SH2B3: variants seen among roughly 807,000 people sequenced by gnomAD.
SH2B3 encodes SH2B adapter protein 3.
A neutral mutation model predicts 51.9 loss-of-function variants in SH2B3; 43 were observed. That is an observed-to-expected ratio of 0.83 (90% CI 0.65 to 1.07). SH2B3 has a LOEUF of 1.07. Among genes scored for constraint, SH2B3 ranks in the 50% least tolerant of loss-of-function variants. SH2B3 has a pLI of 0.00. For missense variants in SH2B3, 952 were observed against 834.3 expected, an observed-to-expected ratio of 1.14 and a Z score of -1.74; for synonymous variants, 396 against 376.0, an observed-to-expected ratio of 1.05 and a Z score of -0.62.
At chr12:111,411,428 A>C (rs1478899524) in intron 1 of SH2B3, among the ~76,000 whole-genome samples, 1 of 152,092 alleles carries the variant, frequency 6.6e-6, no homozygotes, top group Non-Finnish European at 1.5e-5. Flanking sequence ...CTTTCTCTGC[A>C]TGTGGGCCTG....
At chr12:111,419,993 A>C (rs932369209) in intron 2 of SH2B3, among the ~76,000 whole-genome samples, 1 of 152,134 alleles carries the variant, frequency 6.6e-6, no homozygotes, top group East Asian at 1.9e-4. Flanking sequence ...ATGTCCAGGG[A>C]CACCTTTTTG....
intron 2 of SH2B3, chr12:111,434,940 C>G (rs1463791196): frequency 6.5e-7 from 1 of 1,535,424 alleles, no homozygotes; most frequent in Non-Finnish European, 8.7e-7. Flanking sequence ...GGAGGAGGAC[C>G]TGGCCTGGCT....
chr12:111,412,728 C>G (rs1870797088), intron 1 of SH2B3, among the ~76,000 whole-genome samples: 1 of 152,132 alleles, frequency 6.6e-6, no homozygotes, highest in South Asian at 2.1e-4. Flanking sequence ...GCCACCATGC[C>G]AGGCTAATTT....
rs976000287 is a variant in SH2B3 at position 111,409,615 on chromosome 12, C to T, written c.-28+3338C>T. ...GGCTGCCCAGGGGAAGTGACTCAGC[C>T]GGGGTCACTTGCTGAGTCAGGCCTT... is the stretch of plus-strand genomic sequence containing the variant. On this transcript the variant is annotated intron_variant, in intron 1 of 7. Transcript: ENST00000341259. The surrounding 1 kb of genome is among the most constrained non-coding windows in gnomAD (Gnocchi z 4.0). 6.6e-6 allele frequency among the ~76,000 whole-genome samples: 1 copy of T among 152,136 alleles called. No homozygotes were observed. Among genetic ancestry groups the T allele is most frequent in the Non-Finnish European group, 1.5e-5 (1 of 68,006 alleles).
At chr12:111,415,854 T>A (rs1010667110) in intron 1 of SH2B3, among the ~76,000 whole-genome samples, 9 of 152,152 alleles carry the variant, frequency 5.9e-5, no homozygotes, top group Non-Finnish European at 1.0e-4. Flanking sequence ...ATTCCTGACC[T>A]CAGGTGATCC....
At chr12:111,412,500 T>C (rs1287827226) in intron 1 of SH2B3, among the ~76,000 whole-genome samples, 1 of 152,238 alleles carries the variant, frequency 6.6e-6, no homozygotes, top group Non-Finnish European at 1.5e-5. Context: ...TGGAGCTCTT[T>C]TCTAACAGTG....
At position 111,429,514 on chromosome 12, in the gene SH2B3, A is replaced by C. The variant is rs1872290222; in HGVS notation, c.732+10637A>C. 6.6e-6 allele frequency among the ~76,000 whole-genome samples: 1 copy of C among 152,156 alleles called. No individual in the cohort carries two copies. The highest frequency in any genetic ancestry group is 1.5e-5 in the Non-Finnish European group (1 of 68,042). ...ACTCCGCTAATTTTTCTGTATTATT[A>C]GTAGAGACGCGGTTTCGCCATGTTG... On this transcript the variant is annotated intron_variant, in intron 2 of 7. Transcript: ENST00000341259. The surrounding 1 kb of genome is among the most constrained non-coding windows in gnomAD (Gnocchi z 4.4).
intron 2 of SH2B3, among the ~76,000 whole-genome samples, chr12:111,433,861 A>T (rs1317837924): frequency 1.3e-5 from 2 of 152,004 alleles, no homozygotes. Flanking sequence ...CAGTCCTCTC[A>T]CCTCAGCCTC....
chr12:111,436,564 C>T (rs1331308357), intron 2 of SH2B3, among the ~76,000 whole-genome samples: 3 of 152,034 alleles, frequency 2.0e-5, no homozygotes, highest in Admixed American at 2.0e-4. Flanking sequence ...GCACCCATAT[C>T]TGAGGAGGGG....
intron 2 of SH2B3, chr12:111,434,921 GC>G (rs1169358000): frequency 1.3e-6 from 2 of 1,535,546 alleles, no homozygotes; most frequent in African/African-American, 2.7e-5. Context: ...CCGGTGCTGT[GC>G]CGTGGCTGGA....
intron 2 of SH2B3, among the ~76,000 whole-genome samples, chr12:111,436,197 C>T (rs1039714057): frequency 2.0e-5 from 3 of 152,154 alleles, no homozygotes; most frequent in African/African-American, 7.2e-5. Flanking sequence ...GTGCCCTGTG[C>T]GGAGGGCACA....
At chr12:111,447,872 G>A (rs1298707519) in intron 7 of SH2B3, 45 bp downstream of exon 7, 1 of 1,590,018 alleles carries the variant, frequency 6.3e-7, no homozygotes, top group Non-Finnish European at 8.6e-7. Flanking sequence ...CTGACACTGG[G>A]TAGAGGGTAG....
chr12:111,447,370 G>A lies in SH2B3; in HGVS notation c.1062G>A (p.Lys354=), dbSNP rs1874098404. 3 of 1,614,078 alleles carry A rather than the reference G, an allele frequency of 1.9e-6. No homozygotes were observed. Among genetic ancestry groups the A allele is most frequent in the Middle Eastern group, 1.7e-4 (1 of 6,060 alleles). ...GGCTGCTGGACCCGGCCTGCCAGAAGACGGACCATTTCCTGTCCTGCTACC... is the reference window on the plus strand; with the variant it reads ...GGCTGCTGGACCCGGCCTGCCAGAAAACGGACCATTTCCTGTCCTGCTACC... The part of the protein sequence containing the change: ...PGGLLDPACQ[K]TDHFLSCYPW... Residue 354 remains lysine, a synonymous_variant, in exon 6 of 8, where the codon AAG becomes AAA. Coordinates refer to ENST00000341259, the MANE Select transcript of SH2B3 (RefSeq NM_005475.3).
At position 111,409,241 on chromosome 12, in the gene SH2B3, C is replaced by T. The variant is rs1870486628; in HGVS notation, c.-28+2964C>T. 6.6e-6 allele frequency among the ~76,000 whole-genome samples: 1 copy of T among 152,190 alleles called. No individual in the cohort carries two copies. ...CTGGTCCCTTAGCCTCTCTGAGCCA[C>T]AGGTCTTTTTGTCTATGAAATAGGG... On this transcript the variant is annotated intron_variant, in intron 1 of 7. Coordinates refer to ENST00000341259, the MANE Select transcript of SH2B3 (RefSeq NM_005475.3). The surrounding 1 kb of genome is among the most constrained non-coding windows in gnomAD (Gnocchi z 4.0).
In SH2B3 at chr12:111,435,072, G is replaced by A; in HGVS notation, c.733-11681G>A. 6.8e-7 allele frequency: 1 copy of A among 1,469,522 alleles called. No individual in the cohort carries two copies. Among genetic ancestry groups the A allele is most frequent in the Non-Finnish European group, 9.2e-7 (1 of 1,088,224 alleles). The allele number at this position is 1,469,522 out of a possible 1,614,324, so 91.0% of individuals were successfully genotyped here. A position where few individuals can be genotyped will look rare whatever the true frequency, so the allele number is the denominator to read the frequency against. ...GTCTGGGGCTTTGGGGATCTTGGTG[G>A]TGATGAGTCCCCTCTCCTCTGGTGC... is the stretch of plus-strand genomic sequence containing the variant. On this transcript the variant is annotated intron_variant, in intron 2 of 7. Transcript: ENST00000341259. This position sits in a 1 kb window ranked among gnomAD's most constrained non-coding sequence, Gnocchi z 4.8.
intron 1 of SH2B3, among the ~76,000 whole-genome samples, chr12:111,417,542 T>C (rs1384011870): frequency 6.6e-6 from 1 of 151,980 alleles, no homozygotes; most frequent in Non-Finnish European, 1.5e-5. Context: ...TGGCTGATCA[T>C]GGCTTACTGC....
chr12:111,443,048 CCT>C (rs1873588399), intron 2 of SH2B3, among the ~76,000 whole-genome samples: 1 of 152,248 alleles, frequency 6.6e-6, no homozygotes, highest in Non-Finnish European at 1.5e-5. Context: ...AGACAGGTCC[CCT>C]GTCCCTCAGC....
At chr12:111,433,337 A>G (rs4766462) in intron 2 of SH2B3, among the ~76,000 whole-genome samples, 1 of 151,928 alleles carries the variant, frequency 6.6e-6, no homozygotes, top group Admixed American at 6.6e-5. Flanking sequence ...GGAAACAGAG[A>G]GAGACTCTGA....
At position 111,418,406 on chromosome 12, in the gene SH2B3, C is replaced by T. The variant is rs1400486962; in HGVS notation, c.261C>T (p.Arg87=). Residue 87 remains arginine (R), a synonymous_variant, in exon 2 of 8, where the codon CGC becomes CGT. Transcript: ENST00000341259. The surrounding 1 kb of genome is among the most constrained non-coding windows in gnomAD (Gnocchi z 6.7). ...REVRDGRAPG[R]DYRDTGRGPP... Reference sequence around the variant, plus strand: ...TGCGCGACGGACGGGCGCCGGGCCGCGACTACCGGGACACAGGCCGTGGGC... The same window carrying T: ...TGCGCGACGGACGGGCGCCGGGCCGTGACTACCGGGACACAGGCCGTGGGC... 17 of 1,490,734 alleles carry T rather than the reference C, an allele frequency of 1.1e-5. No individual in the cohort carries two copies. Among genetic ancestry groups the T allele is most frequent in the African/African-American group, 2.9e-5 (2 of 68,422 alleles). 92.3% of individuals were successfully genotyped at this position (1,490,734 alleles called of 1,614,324 possible).
Sources: allele counts gnomAD v4.1 joint callset (sites outside exome capture counted in the v4.1 genomes callset), GRCh38; gene constraint gnomAD v4.1.1; non-coding constraint Gnocchi (gnomAD v3.1); transcripts MANE v1.5; gene names NCBI Gene and HGNC (gene_info 2026-07-23, HGNC 2026-07-21).